SNX14: variants seen among roughly 807,000 people sequenced by gnomAD.
SNX14 encodes the protein sorting nexin 14, also known as sorting nexin-14.
SNX14 carries 93 observed loss-of-function variants against 133.8 expected under a neutral mutation model. The ratio of observed to expected loss-of-function variants is 0.70; its 90% confidence interval spans 0.59 to 0.83. The LOEUF (loss-of-function observed/expected upper bound fraction) is 0.83, where lower values mean the gene tolerates loss of function less well. Ranked by LOEUF, SNX14 falls within the 40% of genes least tolerant of loss-of-function variation. The pLI is 0.00. For missense variants in SNX14, 945 were observed against 1,094.9 expected (o/e 0.86, Z 1.93); for synonymous variants, 368 against 365.6 (o/e 1.01, Z -0.07).
chr6:85,513,313 G>A (rs1340219249), intron 26 of SNX14, among the ~76,000 whole-genome samples: 2 of 152,178 alleles, frequency 1.3e-5, no homozygotes, highest in East Asian at 3.8e-4. Flanking sequence ...ACTTGAAAAT[G>A]CCTCTATTAT....
rs1023262172 is a variant in SNX14, at chr6:85,593,840, T to C, written c.-122A>G. On this transcript the variant is annotated 5_prime_UTR_variant, in exon 1 of 29. Coordinates refer to ENST00000314673, the MANE Select transcript of SNX14 (RefSeq NM_153816.6). ...GGCGCACACAGACGCCTACCGGCAG[T>C]TAGCCGCCGCAGGCTGAGGTCGCGT... 2.0e-6 allele frequency: 3 copies of C among 1,520,742 alleles called. No homozygotes were observed. Among genetic ancestry groups the C allele is most frequent in the Non-Finnish European group, 1.8e-6 (2 of 1,140,904 alleles). The allele number at this position is 1,520,742 out of a possible 1,614,324, so 94.2% of individuals were successfully genotyped here.
At chr6:85,544,410 T>C (rs909156125) in intron 12 of SNX14, among the ~76,000 whole-genome samples, 3 of 151,820 alleles carry the variant, frequency 2.0e-5, no homozygotes, top group Non-Finnish European at 2.9e-5. Flanking sequence ...CAGAATATAA[T>C]TGCCATTCCT....
chr6:85,531,888 C>T (rs1780424298), intron 18 of SNX14, among the ~76,000 whole-genome samples: 1 of 151,938 alleles, frequency 6.6e-6, no homozygotes, highest in African/African-American at 2.4e-5. Context: ...ATTAGCTGGG[C>T]GTGGTGACAT....
chr6:85,539,230 T>C (rs1782851915), intron 15 of SNX14, among the ~76,000 whole-genome samples: 2 of 152,228 alleles, frequency 1.3e-5, no homozygotes, highest in Admixed American at 1.3e-4. Flanking sequence ...ATTCTGTCTT[T>C]TCTTTGTCCT....
At chr6:85,556,642 T>C (rs569332234) in intron 7 of SNX14, among the ~76,000 whole-genome samples, 1 of 151,930 alleles carries the variant, frequency 6.6e-6, no homozygotes, top group South Asian at 2.1e-4. Flanking sequence ...TTAGTAGACA[T>C]GGGTTTCACC....
intron 28 of SNX14, among the ~76,000 whole-genome samples, chr6:85,506,221 T>A (rs1770598414): frequency 6.6e-6 from 1 of 152,174 alleles, no homozygotes; most frequent in South Asian, 2.1e-4. Flanking sequence ...CAAACAGAGC[T>A]AAAGGTTTCC....
At chr6:85,541,268 C>T (rs1478482878) in intron 15 of SNX14, among the ~76,000 whole-genome samples, 1 of 152,162 alleles carries the variant, frequency 6.6e-6, no homozygotes, top group African/African-American at 2.4e-5. Flanking sequence ...GCTGGGATTA[C>T]AGGCGTGAGC....
chr6:85,566,716 G>A (rs1038786689), intron 5 of SNX14, among the ~76,000 whole-genome samples: 2 of 151,398 alleles, frequency 1.3e-5, no homozygotes, highest in Admixed American at 6.6e-5. Context: ...AAAAAAGAAA[G>A]AAAAGAAAAT....
chr6:85,575,947 G>A (rs1797187043), intron 1 of SNX14, among the ~76,000 whole-genome samples: 2 of 152,106 alleles, frequency 1.3e-5, no homozygotes, highest in African/African-American at 4.8e-5. Context: ...CTCTTAATAT[G>A]TTTTTTACAA....
intron 26 of SNX14, among the ~76,000 whole-genome samples, chr6:85,510,982 G>T: frequency 6.6e-6 from 1 of 152,118 alleles, no homozygotes; most frequent in East Asian, 1.9e-4. Flanking sequence ...GATTTGGATT[G>T]GGACTGCATT....
At chr6:85,517,635 T>G in intron 23 of SNX14, 121 bp downstream of exon 23, 1 of 1,186,234 alleles carries the variant, frequency 8.4e-7, no homozygotes, top group Non-Finnish European at 1.1e-6. Flanking sequence ...GATTTCCACA[T>G]AAAGGAAATG....
At chr6:85,548,778 C>A (rs1786697289) in intron 8 of SNX14, among the ~76,000 whole-genome samples, 1 of 151,844 alleles carries the variant, frequency 6.6e-6, no homozygotes, top group African/African-American at 2.4e-5. Context: ...ACCAGCCTGG[C>A]CAACATGATG....
chr6:85,566,708 A>G (rs1395192503), intron 5 of SNX14, among the ~76,000 whole-genome samples: 3 of 152,092 alleles, frequency 2.0e-5, no homozygotes, highest in East Asian at 1.9e-4. Context: ...AAAGAAAAAA[A>G]AAAGAAAGAA....
intron 1 of SNX14, chr6:85,581,920 A>C (rs948735739): frequency 1.3e-5 from 2 of 152,218 alleles, no homozygotes; most frequent in African/African-American, 2.4e-5. Context: ...CAGGATAGAA[A>C]GTTTATTCAA....
At chr6:85,525,850 C>A (rs1459576929) in intron 21 of SNX14, among the ~76,000 whole-genome samples, 1 of 152,046 alleles carries the variant, frequency 6.6e-6, no homozygotes, top group Non-Finnish European at 1.5e-5. Flanking sequence ...AAAATACCAT[C>A]TCTACTTTTC....
chr6:85,571,138 G>C (rs557173997), intron 4 of SNX14, among the ~76,000 whole-genome samples: 1 of 152,022 alleles, frequency 6.6e-6, no homozygotes, highest in Non-Finnish European at 1.5e-5. Context: ...GGATCACGAG[G>C]TCAGGAGATC....
At chr6:85,523,966 C>T (rs1276988566) in intron 21 of SNX14, among the ~76,000 whole-genome samples, 1 of 152,122 alleles carries the variant, frequency 6.6e-6, no homozygotes, top group Non-Finnish European at 1.5e-5. Flanking sequence ...AGGCAGATCA[C>T]GAGGTCAAGA....
At chr6:85,508,553 C>G (rs1771594018) in intron 26 of SNX14, 1 of 230,650 alleles carries the variant, frequency 4.3e-6, no homozygotes, top group Non-Finnish European at 7.1e-6. Context: ...TCATAGTGCT[C>G]TTAATATCAG....
intron 15 of SNX14, 43 bp downstream of exon 15, chr6:85,541,942 A>G: frequency 6.9e-7 from 1 of 1,443,458 alleles, no homozygotes. Flanking sequence ...CTATCATAGA[A>G]TGACTGGCAT....
Sources: allele counts gnomAD v4.1 joint callset (sites outside exome capture counted in the v4.1 genomes callset), GRCh38; gene constraint gnomAD v4.1.1; transcripts MANE v1.5; gene names NCBI Gene and HGNC (gene_info 2026-07-23, HGNC 2026-07-21).